Variants in AP3B2 observed in about 807,000 individuals in gnomAD.
AP3B2 encodes AP-3 complex subunit beta-2.
AP3B2 carries 50 observed loss-of-function variants against 126.9 expected under a neutral mutation model. The ratio of observed to expected loss-of-function variants is 0.39; its 90% confidence interval spans 0.31 to 0.50. The LOEUF (loss-of-function observed/expected upper bound fraction) is 0.50, where lower values mean the gene tolerates loss of function less well. AP3B2 is among the 20% of genes least tolerant of loss of function. AP3B2 has a pLI of 0.79. For synonymous variants in AP3B2, 541 were observed against 565.0 expected (o/e 0.96, Z 0.60); for missense variants, 1,177 against 1,426.4 (o/e 0.83, Z 2.82).
intron 1 of AP3B2, among the ~76,000 whole-genome samples, chr15:82,693,705 G>A (rs996030141): frequency 2.0e-4 from 30 of 151,918 alleles, no homozygotes; most frequent in African/African-American, 4.3e-4. Flanking sequence ...TAATTGGTAC[G>A]TTTTTGTTTT....
intron 10 of AP3B2, among the ~76,000 whole-genome samples, chr15:82,678,648 G>A (rs2048282274): frequency 1.3e-5 from 2 of 152,126 alleles, no homozygotes; most frequent in South Asian, 2.1e-4. Flanking sequence ...TCATCTCTCA[G>A]GCTTCAGCTC....
At chr15:82,706,517 CGCTCAGGGCAACACTTAT>C (rs1398384339) in intron 1 of AP3B2, among the ~76,000 whole-genome samples, 1 of 152,160 alleles carries the variant, frequency 6.6e-6, no homozygotes, top group Non-Finnish European at 1.5e-5. Context: ...CAGATCCCAT[CGCTCAGGGCAACACTTAT>C]GCTGATAAGG....
chr15:82,709,706 TG>T lies in AP3B2; in HGVS notation c.-1del. On this transcript the variant is annotated 5_prime_UTR_variant, in exon 1 of 27. Transcript: ENST00000535359. ...TCGCTGTAGGCGGGGGCGGCCGACA[TG>T]GGGCGGCCAGGGAGACTTCGCCGAG... The T allele has an allele frequency of 6.8e-7, 1 of 1,480,546 alleles. No homozygotes were observed. The allele number at this position is 1,480,546 out of a possible 1,614,324, so 91.7% of individuals were successfully genotyped here. A position where few individuals can be genotyped will look rare whatever the true frequency, so the allele number is the denominator to read the frequency against.
intron 14 of AP3B2, among the ~76,000 whole-genome samples, chr15:82,668,505 A>C (rs1208885878): frequency 6.6e-6 from 1 of 152,154 alleles, no homozygotes; most frequent in African/African-American, 2.4e-5. Context: ...CAGATTTCCC[A>C]GCTGGCTGAT....
chr15:82,670,114 G>T (rs1340037813), intron 14 of AP3B2, among the ~76,000 whole-genome samples: 5 of 90,856 alleles, frequency 5.5e-5, no homozygotes, highest in African/African-American at 1.8e-4. Context: ...TTTTTTTTTG[G>T]CGGGGGGGGA....
Position 82,666,808 on chromosome 15 carries a change from G to A in AP3B2, c.1791C>T (p.Arg597=). 1.2e-6 allele frequency: 2 copies of A among 1,614,020 alleles called. No individual in the cohort carries two copies. Among genetic ancestry groups the A allele is most frequent in the Non-Finnish European group, 1.7e-6 (2 of 1,179,900 alleles). ...GTGCCAGGAAGAGCTTCTTGGCATG[G>A]CGGCTGAGGGCCCCACCCTGCTCGG... ...VPSEQGGALS[R]HAKKLFLAPK... Residue 597 remains arginine, a synonymous_variant, in exon 15 of 27, where the codon CGC becomes CGT. Coordinates refer to ENST00000535359, the MANE Select transcript of AP3B2 (RefSeq NM_001278512.2).
At chr15:82,688,297 C>T in intron 4 of AP3B2, 1 of 633,166 alleles carries the variant, frequency 1.6e-6, no homozygotes, top group Non-Finnish European at 2.8e-6. Flanking sequence ...AACTAGAGGC[C>T]TTGGGCAAAA....
intron 14 of AP3B2, among the ~76,000 whole-genome samples, chr15:82,672,794 C>T (rs937017421): frequency 6.6e-6 from 1 of 152,206 alleles, no homozygotes; most frequent in Non-Finnish European, 1.5e-5. Context: ...AGCAGACTGG[C>T]TCTAGAGACT....
rs1319563564 is a variant in AP3B2 at position 82,680,244 on chromosome 15, G to A, written c.1056-15C>T. The A allele has an allele frequency of 1.9e-6, 3 of 1,613,518 alleles. No individual in the cohort carries two copies. Among genetic ancestry groups the A allele is most frequent in the Non-Finnish European group, 2.5e-6 (3 of 1,179,760 alleles). ...ACTGCACCTCACTGCGGAGAGGACG[G>A]GTCAGAGCACCCCGGGCCCCTCGGT... On this transcript the variant is annotated splice_polypyrimidine_tract_variant and intron_variant, in intron 8 of 26. Coordinates refer to ENST00000535359, the MANE Select transcript of AP3B2 (RefSeq NM_001278512.2). This position sits in a 1 kb window ranked among gnomAD's most constrained non-coding sequence, Gnocchi z 6.1.
Position 82,709,668 on chromosome 15 carries a change from G to A in AP3B2, c.39C>T (p.Gly13=). 1.3e-6 allele frequency: 2 copies of A among 1,508,226 alleles called. No individual in the cohort carries two copies. The highest frequency in any genetic ancestry group is 1.8e-6 in the Non-Finnish European group (2 of 1,130,770). 93.4% of individuals were successfully genotyped at this position (1,508,226 alleles called of 1,614,324 possible). A position where few individuals can be genotyped will look rare whatever the true frequency, so the allele number is the denominator to read the frequency against. ...AAPAYSEDKG[G]SAGPGEPEYG... is the part of the protein sequence containing the mutation. ...ACTCGGGCTCCCCGGGGCCAGCGGA[G>A]CCGCCCTTGTCTTCGCTGTAGGCGG... The change falls in exon 1 of 27, where the codon GGC becomes GGT. Residue 13 remains glycine, a synonymous_variant. Transcript: ENST00000535359.
At position 82,664,952 on chromosome 15, in the gene AP3B2, G is replaced by A; in HGVS notation, c.2029-9C>T. On this transcript the variant is annotated splice_polypyrimidine_tract_variant and intron_variant, in intron 17 of 26. Coordinates refer to ENST00000535359, the MANE Select transcript of AP3B2 (RefSeq NM_001278512.2). This position sits in a 1 kb window ranked among gnomAD's most constrained non-coding sequence, Gnocchi z 4.5. ...TTGGTCCATTCAGGTACCTGGAGAT[G>A]GGGGTAGGGTGCAGGGTCATTTCAT... The A allele has an allele frequency of 6.3e-7, 1 of 1,587,260 alleles. No individual in the cohort carries two copies. Among genetic ancestry groups the A allele is most frequent in the Non-Finnish European group, 8.6e-7 (1 of 1,161,316 alleles).
chr15:82,669,204 ACT>A (rs1395291864), intron 14 of AP3B2, among the ~76,000 whole-genome samples: 3 of 152,120 alleles, frequency 2.0e-5, no homozygotes, highest in African/African-American at 7.2e-5. Flanking sequence ...TATTAAGAAG[ACT>A]CTGTATTGGA....
intron 14 of AP3B2, among the ~76,000 whole-genome samples, chr15:82,670,139 C>T (rs1446656865): frequency 8.6e-6 from 1 of 115,876 alleles, no homozygotes; most frequent in Non-Finnish European, 1.7e-5. Context: ...GATGAAGTCT[C>T]GCTCTTGTCC....
At chr15:82,688,474 T>C in intron 4 of AP3B2, 1 of 702,368 alleles carries the variant, frequency 1.4e-6, no homozygotes, top group Non-Finnish European at 2.6e-6. Context: ...TGGTTCATAC[T>C]AGAAGCAGCC....
chr15:82,662,805 C>T lies in AP3B2; in HGVS notation c.2722G>A (p.Val908Met), dbSNP rs2047975950. 3 of 1,613,818 alleles carry T rather than the reference C, an allele frequency of 1.9e-6. No homozygotes were observed. The highest frequency in any genetic ancestry group is 2.5e-6 in the Non-Finnish European group (3 of 1,179,822). Residue 908 changes from valine (V) to methionine (M), a missense_variant, in exon 23 of 27, where the codon GTG becomes ATG. Val to Met is a conservative substitution (Grantham distance 21, BLOSUM62 1). This residue lies in a region of AP3B2 where 587 missense variants were observed against 571.3 expected (regional missense o/e 1.03). Transcript: ENST00000535359. ...RQPFSGDPHM[V>M]SVHIHFSNSS... ...TTGGAGAAGTGGATGTGCACGGACA[C>T]CATGTGGGGATCCCCGGAGAAAGGT...
chr15:82,699,867 T>C, intron 1 of AP3B2: 1 of 399,764 alleles, frequency 2.5e-6, no homozygotes, highest in Non-Finnish European at 4.4e-6. Context: ...GCTGCAGGAA[T>C]CGCTGCATCA....
chr15:82,675,984 C>T (rs1033513587), intron 14 of AP3B2, among the ~76,000 whole-genome samples: 6 of 152,154 alleles, frequency 3.9e-5, no homozygotes, highest in Admixed American at 3.9e-4. Flanking sequence ...CTCTTATAAC[C>T]TTTCACCTTG....
At chr15:82,702,898 G>A (rs1272455389) in intron 1 of AP3B2, among the ~76,000 whole-genome samples, 1 of 152,120 alleles carries the variant, frequency 6.6e-6, no homozygotes, top group Non-Finnish European at 1.5e-5. Flanking sequence ...ACCAGCCTGA[G>A]GAACATCTCA....
At chr15:82,699,987 G>A in intron 1 of AP3B2, 1 of 398,036 alleles carries the variant, frequency 2.5e-6, no homozygotes. Flanking sequence ...AGGGAGGGAT[G>A]CTCCGGTTTC....
Sources: allele counts gnomAD v4.1 joint callset (sites outside exome capture counted in the v4.1 genomes callset), GRCh38; gene constraint gnomAD v4.1.1; regional missense constraint gnomAD v4.1.1; non-coding constraint Gnocchi (gnomAD v3.1); transcripts MANE v1.5; gene names NCBI Gene and HGNC (gene_info 2026-07-23, HGNC 2026-07-21).